The following RNLS variants were observed in gnomAD, a reference collection of about 807,000 sequenced individuals.
RNLS encodes renalase.
In RNLS, 39 loss-of-function variants were observed where a neutral mutation model predicts 39.8. The observed-to-expected ratio is 0.98, with a 90% confidence interval of 0.76 to 1.28. The LOEUF is 1.28. RNLS is among the 50% of genes most tolerant of loss of function. The probability of loss-of-function intolerance (pLI) is 0.00; values close to 1 mark genes in which losing one functional copy is unlikely to be tolerated. For missense variants in RNLS, 410 were observed against 413.3 expected (o/e 0.99, Z 0.07); for synonymous variants, 147 against 150.7 (o/e 0.98, Z 0.18).
At chr10:88,335,083 A>G (rs536781345) in intron 5 of RNLS, among the ~76,000 whole-genome samples, 84 of 152,310 alleles carry the variant, frequency 5.5e-4, no homozygotes, top group African/African-American at 1.9e-3. Flanking sequence ...AACTATCAAA[A>G]TATCTATTTA....
intron 4 of RNLS, among the ~76,000 whole-genome samples, chr10:88,571,226 C>A (rs1258790502): frequency 6.6e-6 from 1 of 152,034 alleles, no homozygotes; most frequent in African/African-American, 2.4e-5. Flanking sequence ...AAGCAACCCT[C>A]CTGCCTCACC....
chr10:88,198,135 C>T, the RNLS span, among the ~76,000 whole-genome samples: 1 of 152,324 alleles, frequency 6.6e-6, no homozygotes, highest in South Asian at 2.1e-4. Flanking sequence ...CACCCCAGGC[C>T]CTGTGCTTTT....
At chr10:88,267,969 C>T in the RNLS span, among the ~76,000 whole-genome samples, 6 of 152,078 alleles carry the variant, frequency 3.9e-5, no homozygotes, top group Non-Finnish European at 5.9e-5. Context: ...AGGGGAGAAA[C>T]GTTGGTGTAA....
intron 6 of RNLS, among the ~76,000 whole-genome samples, chr10:88,297,966 C>A (rs1295920133): frequency 1.3e-5 from 2 of 152,098 alleles, no homozygotes; most frequent in African/African-American, 4.8e-5. Flanking sequence ...ACAAGTGTTC[C>A]ATTTCTTCAC....
the RNLS span, among the ~76,000 whole-genome samples, chr10:88,180,482 C>T: frequency 6.6e-6 from 1 of 152,142 alleles, no homozygotes; most frequent in Admixed American, 6.5e-5. Context: ...CTATATCTTA[C>T]AGAAACAGTT....
At chr10:88,515,097 T>C (rs1011912055) in intron 4 of RNLS, among the ~76,000 whole-genome samples, 1 of 152,072 alleles carries the variant, frequency 6.6e-6, no homozygotes, top group Admixed American at 6.6e-5. Flanking sequence ...TTGTGCATTT[T>C]TCTACTATCT....
In RNLS at chr10:88,507,752, A is replaced by G. The variant is rs539194744; in HGVS notation, c.526+65151T>C. Reference sequence around the variant, plus strand: ...TAAACTTCAAAAGATCATAATGAATATTTAATTTCAATCACAGCACACATT... The same window carrying G: ...TAAACTTCAAAAGATCATAATGAATGTTTAATTTCAATCACAGCACACATT... On this transcript the variant is annotated intron_variant, in intron 4 of 6. Transcript: ENST00000331772. Among the ~76,000 whole-genome samples, 3 of 152,294 alleles carry G rather than the reference A, an allele frequency of 2.0e-5. No individual in the cohort carries two copies. In the East Asian group the frequency reaches 5.8e-4, roughly 29 times the overall value.
the RNLS span, among the ~76,000 whole-genome samples, chr10:88,190,776 A>T: frequency 4.6e-5 from 7 of 152,150 alleles, no homozygotes; most frequent in African/African-American, 1.4e-4. Context: ...CCATCTTCTC[A>T]GATCATAGTT....
the RNLS span, among the ~76,000 whole-genome samples, chr10:88,235,267 C>CAAAAAAAA: frequency 3.2e-5 from 2 of 61,946 alleles, no homozygotes; most frequent in Non-Finnish European, 5.5e-5. Flanking sequence ...GACTCTATCT[C>CAAAAAAAA]AAAAAAAAAA....
At chr10:88,477,515 G>A (rs1843887195) in intron 4 of RNLS, among the ~76,000 whole-genome samples, 1 of 152,148 alleles carries the variant, frequency 6.6e-6, no homozygotes, top group Non-Finnish European at 1.5e-5. Context: ...TGTAAACACT[G>A]ACAATTGTGA....
intron 6 of RNLS, among the ~76,000 whole-genome samples, chr10:88,296,787 C>T (rs1844126133): frequency 6.6e-6 from 1 of 152,090 alleles, no homozygotes; most frequent in African/African-American, 2.4e-5. Context: ...ATTTCCACCA[C>T]CCCCTAAATT....
exon 7 of RNLS, chr10:88,274,986 A>G (rs1175874527): frequency 6.2e-7 from 1 of 1,613,514 alleles, no homozygotes; most frequent in South Asian, 1.1e-5. Context: ...AATCGCCATC[A>G]TCCAGGGGCT....
intron 4 of RNLS, among the ~76,000 whole-genome samples, chr10:88,440,593 A>G (rs1166611517): frequency 2.0e-5 from 3 of 152,248 alleles, no homozygotes; most frequent in African/African-American, 7.2e-5. Context: ...CCTTACCTCT[A>G]TAATCCTTGA....
chr10:88,460,432 C>T (rs1842883659), intron 4 of RNLS, among the ~76,000 whole-genome samples: 2 of 152,202 alleles, frequency 1.3e-5, no homozygotes, highest in East Asian at 1.9e-4. Context: ...ACATTGCCTC[C>T]AAGAGGCCTT....
At chr10:88,191,319 T>C in the RNLS span, among the ~76,000 whole-genome samples, 1 of 152,226 alleles carries the variant, frequency 6.6e-6, no homozygotes, top group Non-Finnish European at 1.5e-5. Context: ...TACTGTACTC[T>C]TGGGTCTGAG....
intron 5 of RNLS, among the ~76,000 whole-genome samples, chr10:88,340,858 G>A (rs892776211): frequency 2.0e-5 from 3 of 151,752 alleles, no homozygotes; most frequent in Non-Finnish European, 2.9e-5. Flanking sequence ...TCAGGAGTTC[G>A]AGACCAGCCT....
the RNLS span, among the ~76,000 whole-genome samples, chr10:88,223,541 G>A: frequency 1.3e-5 from 2 of 152,196 alleles, no homozygotes; most frequent in African/African-American, 4.8e-5. Context: ...TATGAAATAG[G>A]CACAAACCAC....
chr10:88,294,577 C>T (rs1030982345), intron 6 of RNLS, among the ~76,000 whole-genome samples: 2 of 151,946 alleles, frequency 1.3e-5, no homozygotes, highest in East Asian at 1.9e-4. Flanking sequence ...TGGGGTTTGA[C>T]GAAAATCCAA....
the RNLS span, among the ~76,000 whole-genome samples, chr10:88,179,251 A>G: frequency 6.6e-6 from 1 of 152,206 alleles, no homozygotes; most frequent in Non-Finnish European, 1.5e-5. Flanking sequence ...AGAAGTTATT[A>G]CTGCAAAGTC....
Sources: allele counts gnomAD v4.1 joint callset (sites outside exome capture counted in the v4.1 genomes callset), GRCh38; gene constraint gnomAD v4.1.1; transcripts MANE v1.5; gene names NCBI Gene and HGNC (gene_info 2026-07-23, HGNC 2026-07-21).